WDR27: variants seen among roughly 807,000 people sequenced by gnomAD.
WDR27 encodes WD repeat-containing protein 27.
Under a neutral mutation model 114.4 loss-of-function variants are expected in WDR27, and 100 were observed. That is an observed-to-expected ratio of 0.87 (90% CI 0.74 to 1.03). The LOEUF (loss-of-function observed/expected upper bound fraction) is 1.03, where lower values mean the gene tolerates loss of function less well. Among genes scored for constraint, WDR27 ranks in the 50% least tolerant of loss-of-function variants. WDR27 has a pLI of 0.00. For missense variants in WDR27, 1,129 were observed against 1,092.9 expected, an observed-to-expected ratio of 1.03 and a Z score of -0.47; for synonymous variants, 449 against 423.1, an observed-to-expected ratio of 1.06 and a Z score of -0.75.
chr6:169,595,917 T>C (rs938379025), intron 23 of WDR27, among the ~76,000 whole-genome samples: 1 of 152,086 alleles, frequency 6.6e-6, no homozygotes, highest in African/African-American at 2.4e-5. Context: ...ATTCTCTTTT[T>C]GAGTAAGTAA....
At chr6:169,630,072 T>C (rs573771692) in intron 21 of WDR27, among the ~76,000 whole-genome samples, 59 of 152,308 alleles carry the variant, frequency 3.9e-4, no homozygotes, top group South Asian at 1.5e-3. Context: ...AACTGTATTA[T>C]CTAAAGACTC....
chr6:169,678,077 C>T (rs994978900), intron 2 of WDR27, among the ~76,000 whole-genome samples: 1 of 152,270 alleles, frequency 6.6e-6, no homozygotes. Flanking sequence ...AGCCCCCACA[C>T]AGAGTCCCCA....
intron 9 of WDR27, among the ~76,000 whole-genome samples, chr6:169,661,108 G>A (rs939699069): frequency 1.3e-5 from 2 of 152,218 alleles, no homozygotes; most frequent in African/African-American, 4.8e-5. Context: ...CCACATCTGT[G>A]CCAGGCTGGC....
chr6:169,516,219 G>A (rs1793614931), intron 25 of WDR27, among the ~76,000 whole-genome samples: 1 of 152,196 alleles, frequency 6.6e-6, no homozygotes, highest in African/African-American at 2.4e-5. Flanking sequence ...TGAATCTGCT[G>A]TAGTAAGAAA....
At position 169,647,876 on chromosome 6, in the gene WDR27, G is replaced by T. The variant is rs772155384; in HGVS notation, c.1560-6C>A. The T allele has an allele frequency of 2.3e-5, 36 of 1,547,848 alleles. No individual in the cohort carries two copies. Among genetic ancestry groups the T allele is most frequent in the Non-Finnish European group, 8.7e-7 (1 of 1,149,368 alleles). On this transcript the variant is annotated splice_region_variant and splice_polypyrimidine_tract_variant and intron_variant, in intron 15 of 25. Transcript: ENST00000448612. ...ACTCCACGGGGTATGCCTCCCTGAG[G>T]GAAGGCCACAGGTAACGGTGATCGG...
intron 25 of WDR27, among the ~76,000 whole-genome samples, chr6:169,486,153 G>GTT (rs566399786): frequency 6.9e-6 from 1 of 144,614 alleles, no homozygotes; most frequent in Non-Finnish European, 1.5e-5. Context: ...ACTTAAAAAG[G>GTT]TTTTTTTTTT....
intron 25 of WDR27, among the ~76,000 whole-genome samples, chr6:169,557,747 G>A (rs1353792079): frequency 1.3e-5 from 2 of 152,130 alleles, no homozygotes; most frequent in Non-Finnish European, 2.9e-5. Flanking sequence ...GCAAGAGGGA[G>A]ATGCTGTCTC....
At chr6:169,554,292 A>G (rs1798574546) in intron 25 of WDR27, among the ~76,000 whole-genome samples, 1 of 152,166 alleles carries the variant, frequency 6.6e-6, no homozygotes, top group African/African-American at 2.4e-5. Context: ...GTCGGGCACA[A>G]GTGCCTACCA....
intron 25 of WDR27, among the ~76,000 whole-genome samples, chr6:169,557,756 T>G (rs545838039): frequency 1.3e-5 from 2 of 152,244 alleles, no homozygotes; most frequent in South Asian, 4.2e-4. Context: ...AGATGCTGTC[T>G]CTAACATTTT....
In WDR27 at chr6:169,614,123, C is replaced by T. The variant is rs147694647; in HGVS notation, c.2224-467G>A. On this transcript the variant is annotated intron_variant, in intron 21 of 25. Transcript: ENST00000448612. ...TGAACTCCCACGGGGCCTCGAGTCC[C>T]GGCCCTGACTCTGACTTGCTCCCCT... is the stretch of plus-strand genomic sequence containing the variant. Among the ~76,000 whole-genome samples the T allele has an allele frequency of 1.2e-3, 181 of 152,264 alleles. 1 individual carries two copies. The highest frequency in any genetic ancestry group is 3.9e-3 in the African/African-American group (163 of 41,552).
chr6:169,596,142 A>T (rs1450088111), intron 23 of WDR27, among the ~76,000 whole-genome samples: 1 of 152,042 alleles, frequency 6.6e-6, no homozygotes, highest in East Asian at 1.9e-4. Context: ...CAATATCTAG[A>T]TTTAACTAAA....
chr6:169,600,074 G>C (rs1342516712), intron 23 of WDR27, among the ~76,000 whole-genome samples: 1 of 152,168 alleles, frequency 6.6e-6, no homozygotes, highest in Non-Finnish European at 1.5e-5. Context: ...GAGCGGTTTT[G>C]AGTGCGTTTC....
rs190534895 is a variant in WDR27 at position 169,627,341 on chromosome 6, C to T, written c.2223+5606G>A. Among the ~76,000 whole-genome samples the T allele has an allele frequency of 4.7e-4, 71 of 152,270 alleles. No homozygotes were observed. The East Asian group carries it at 0.012, about 27-fold the overall frequency. ...CGTTCTCCAAGTCAATGCCTTTTTA[C>T]GGCTTGAAGTGTTCTAAAAAATCTA... On this transcript the variant is annotated intron_variant, in intron 21 of 25. Coordinates refer to ENST00000448612, the MANE Select transcript of WDR27 (RefSeq NM_182552.5).
At chr6:169,506,980 T>C (rs1005811533) in intron 25 of WDR27, among the ~76,000 whole-genome samples, 1 of 152,250 alleles carries the variant, frequency 6.6e-6, no homozygotes, top group African/African-American at 2.4e-5. Context: ...GATGCATCTA[T>C]ATAAGGATTA....
At chr6:169,642,601 A>G (rs1819509421) in intron 17 of WDR27, among the ~76,000 whole-genome samples, 1 of 152,200 alleles carries the variant, frequency 6.6e-6, no homozygotes, top group African/African-American at 2.4e-5. Context: ...TTCTCCACCC[A>G]GACCATGCAG....
intron 24 of WDR27, among the ~76,000 whole-genome samples, chr6:169,579,606 TC>T (rs1444226050): frequency 6.6e-6 from 1 of 152,074 alleles, no homozygotes; most frequent in Admixed American, 6.5e-5. Context: ...CATAAGACAC[TC>T]CCACTGGTAC....
chr6:169,438,537 A>T, the WDR27 span, among the ~76,000 whole-genome samples: 1 of 152,148 alleles, frequency 6.6e-6, no homozygotes, highest in Non-Finnish European at 1.5e-5. Context: ...GCACCCAGCC[A>T]TGCTTTTACT....
intron 25 of WDR27, among the ~76,000 whole-genome samples, chr6:169,555,911 C>CCGAT (rs1418124351): frequency 6.6e-6 from 1 of 152,134 alleles, no homozygotes; most frequent in Non-Finnish European, 1.5e-5. Context: ...CTGGAGCAAA[C>CCGAT]CGATACTCAT....
chr6:169,666,916 C>A (rs1023587704), intron 6 of WDR27: 1 of 985,474 alleles, frequency 1.0e-6, no homozygotes, highest in Non-Finnish European at 1.2e-6. Flanking sequence ...AAGGCCCAGA[C>A]TCCAAGCATC....
Sources: gnomAD v4.1 joint callset for allele counts (sites outside exome capture counted in the v4.1 genomes callset) on GRCh38, gnomAD v4.1.1 for gene constraint, MANE v1.5 for transcripts, NCBI Gene and HGNC (gene_info 2026-07-23, HGNC 2026-07-21) for gene names.